PTPRN2: variants seen among roughly 807,000 people sequenced by gnomAD.
PTPRN2 encodes the protein protein tyrosine phosphatase receptor type N2, also known as receptor-type tyrosine-protein phosphatase N2.
Under a neutral mutation model 118.8 loss-of-function variants are expected in PTPRN2, and 74 were observed. That is an observed-to-expected ratio of 0.62 (90% CI 0.52 to 0.76). The LOEUF is 0.76. PTPRN2 is among the 30% of genes least tolerant of loss of function. The pLI is 0.00. For missense variants in PTPRN2, 1,481 were observed against 1,394.4 expected, an observed-to-expected ratio of 1.06 and a Z score of -0.99; for synonymous variants, 641 against 608.0, an observed-to-expected ratio of 1.05 and a Z score of -0.80.
chr7:157,600,003 C>A (rs1265856664), intron 16 of PTPRN2, among the ~76,000 whole-genome samples: 5 of 97,052 alleles, frequency 5.2e-5, no homozygotes, highest in African/African-American at 1.8e-4. Context: ...ACCTGCCCAC[C>A]TCTCCACCTG....
chr7:158,546,670 G>C lies in PTPRN2; in HGVS notation c.112+40888C>G, dbSNP rs570145109. Among the ~76,000 whole-genome samples the C allele has an allele frequency of 6.6e-6, 1 of 152,198 alleles. No individual in the cohort carries two copies. Among genetic ancestry groups the C allele is most frequent in the Non-Finnish European group, 1.5e-5 (1 of 68,030 alleles). ...GTAGCAGGTGGGTGACTACAGAGGT[G>C]CTCTGAGGGTCTTAGGCAGAGCTGG... On this transcript the variant is annotated intron_variant, in intron 1 of 22. Transcript: ENST00000389418. The surrounding 1 kb of genome is among the most constrained non-coding windows in gnomAD (Gnocchi z 5.0).
intron 12 of PTPRN2, among the ~76,000 whole-genome samples, chr7:157,770,484 T>C (rs1405650052): frequency 6.6e-6 from 1 of 152,220 alleles, no homozygotes; most frequent in African/African-American, 2.4e-5. Context: ...ACCCAGAGAA[T>C]GTAGGAATTA....
chr7:158,357,189 A>C (rs529178610), intron 2 of PTPRN2, among the ~76,000 whole-genome samples: 11 of 152,340 alleles, frequency 7.2e-5, no homozygotes, highest in Admixed American at 7.2e-4. Context: ...GGTAGAGTTT[A>C]CTGGGGGAAA....
rs80334534 is a variant in PTPRN2, at chr7:158,478,343, G to A, written c.163+11392C>T. Among the ~76,000 whole-genome samples, 460 of 152,304 alleles carry A rather than the reference G, an allele frequency of 3.0e-3. 16 individuals carry two copies. The South Asian group carries it at 0.048, about 16-fold the overall frequency. The stretch of plus-strand genomic sequence containing the variant: ...CGGAAAACTGCAGACTGGAAGGGGC[G>A]TGAAAGCACAAGGTCTTGATCATTC... On this transcript the variant is annotated intron_variant, in intron 2 of 22. Transcript: ENST00000389418.
At chr7:157,688,016 A>G (rs1043961498) in intron 12 of PTPRN2, among the ~76,000 whole-genome samples, 2 of 152,218 alleles carry the variant, frequency 1.3e-5, no homozygotes, top group Admixed American at 1.3e-4. Flanking sequence ...GGGTGGGAGA[A>G]GCCCTTTGTG....
intron 12 of PTPRN2, among the ~76,000 whole-genome samples, chr7:157,789,978 TGTGTGTGTGGTGGGG>T (rs1267762305): frequency 7.4e-6 from 1 of 134,990 alleles, no homozygotes; most frequent in East Asian, 2.4e-4. Flanking sequence ...CGTATGGTGG[TGTGTGTGTGGTGGGG>T]GTGTGTGTGG....
At chr7:158,169,940 C>T (rs564412357) in intron 5 of PTPRN2, among the ~76,000 whole-genome samples, 2 of 152,254 alleles carry the variant, frequency 1.3e-5, no homozygotes, top group East Asian at 3.9e-4. Flanking sequence ...GATGGGCCTG[C>T]CTTAGCCTCC....
At position 157,860,257 on chromosome 7, in the gene PTPRN2, A is replaced by G. The variant is rs531202525; in HGVS notation, c.1788+38416T>C. On this transcript the variant is annotated intron_variant, in intron 12 of 22. Coordinates refer to ENST00000389418, the MANE Select transcript of PTPRN2 (RefSeq NM_002847.5). ...TACCCTGGATTTCAGAGGTCACTGC[A>G]GTCAGGCCACCTGAGGACACACACC... Among the ~76,000 whole-genome samples the G allele has an allele frequency of 2.0e-5, 3 of 152,330 alleles. No homozygotes were observed. In the East Asian group the frequency reaches 5.8e-4, roughly 29 times the overall value.
chr7:158,366,800 C>A (rs1325649880), intron 2 of PTPRN2, among the ~76,000 whole-genome samples: 2 of 152,242 alleles, frequency 1.3e-5, no homozygotes, highest in African/African-American at 4.8e-5. Context: ...TCCAAAGCTG[C>A]AGTCGTTTAG....
At chr7:158,235,884 A>G (rs1330157562) in intron 3 of PTPRN2, among the ~76,000 whole-genome samples, 1 of 152,086 alleles carries the variant, frequency 6.6e-6, no homozygotes, top group Non-Finnish European at 1.5e-5. Context: ...CAATATAGAA[A>G]AGCTTTCTAG....
chr7:157,878,742 G>T (rs1455972912), intron 12 of PTPRN2, among the ~76,000 whole-genome samples: 23 of 124,874 alleles, frequency 1.8e-4, no homozygotes, highest in East Asian at 2.5e-4. Flanking sequence ...CCATGGGGCT[G>T]GACGGGTCAG....
intron 11 of PTPRN2, among the ~76,000 whole-genome samples, chr7:158,061,385 C>T (rs1810324428): frequency 6.6e-6 from 1 of 152,246 alleles, no homozygotes; most frequent in African/African-American, 2.4e-5. Context: ...CTGCTCCAGA[C>T]ACCTGTTCCG....
intron 12 of PTPRN2, among the ~76,000 whole-genome samples, chr7:157,844,107 A>G (rs112667387): frequency 2.0e-5 from 3 of 150,200 alleles, no homozygotes; most frequent in Non-Finnish European, 3.0e-5. Context: ...GCCCCTCCAC[A>G]TCGTGGGTGT....
intron 2 of PTPRN2, among the ~76,000 whole-genome samples, chr7:158,482,971 C>T (rs976926323): frequency 6.6e-6 from 1 of 152,226 alleles, no homozygotes; most frequent in South Asian, 2.1e-4. Context: ...TCCAGAGGGG[C>T]CTCCCTATGC....
intron 3 of PTPRN2, among the ~76,000 whole-genome samples, chr7:158,241,182 T>C (rs1332241053): frequency 6.6e-6 from 1 of 152,196 alleles, no homozygotes; most frequent in African/African-American, 2.4e-5. Context: ...CGGCTATAGT[T>C]TCCTTTCATA....
chr7:157,572,396 T>A (rs775827179), intron 19 of PTPRN2, among the ~76,000 whole-genome samples: 5 of 152,218 alleles, frequency 3.3e-5, no homozygotes, highest in Non-Finnish European at 4.4e-5. Flanking sequence ...GTATGGACCA[T>A]CAATGGGAAA....
intron 12 of PTPRN2, among the ~76,000 whole-genome samples, chr7:157,717,296 G>A (rs558803988): frequency 6.6e-6 from 1 of 152,378 alleles, no homozygotes; most frequent in South Asian, 2.1e-4. Context: ...CGGTGACCCA[G>A]TGAGGGAACA....
rs565347973 is a variant in PTPRN2 at position 158,343,392 on chromosome 7, C to T, written c.164-26460G>A. Among the ~76,000 whole-genome samples, 10 of 152,264 alleles carry T rather than the reference C, an allele frequency of 6.6e-5. No individual in the cohort carries two copies. In the East Asian group the frequency reaches 7.7e-4, roughly 12 times the overall value. On this transcript the variant is annotated intron_variant, in intron 2 of 22. Transcript: ENST00000389418. ...GGACATCTGCTATCAAAAAACGAAA[C>T]GAAGCAAAACCGAAAATAACGCGTG... is the stretch of plus-strand genomic sequence containing the variant.
intron 2 of PTPRN2, among the ~76,000 whole-genome samples, chr7:158,472,361 C>A (rs1483413362): frequency 1.3e-5 from 2 of 152,152 alleles, no homozygotes; most frequent in Non-Finnish European, 2.9e-5. Context: ...CACTAAGGGA[C>A]CAAGTTTGTC....
Sources: gnomAD v4.1 joint callset for allele counts (sites outside exome capture counted in the v4.1 genomes callset) on GRCh38, gnomAD v4.1.1 for gene constraint, Gnocchi (gnomAD v3.1) non-coding constraint, MANE v1.5 for transcripts, NCBI Gene and HGNC (gene_info 2026-07-23, HGNC 2026-07-21) for gene names.